Variants in CAST observed in about 807,000 individuals in gnomAD.
CAST encodes the protein calpastatin.
CAST carries 76 observed loss-of-function variants against 119.6 expected under a neutral mutation model. The observed-to-expected ratio is 0.64, with a 90% CI of 0.53 to 0.77. The LOEUF (loss-of-function observed/expected upper bound fraction) is 0.77, where lower values mean the gene tolerates loss of function less well. CAST is among the 30% of genes least tolerant of loss of function. CAST has a pLI of 0.00. For synonymous variants in CAST, 319 were observed against 331.6 expected (o/e 0.96, Z 0.41); for missense variants, 953 against 946.5 (o/e 1.01, Z -0.09).
the CAST span, among the ~76,000 whole-genome samples, chr5:96,514,899 G>T: frequency 6.6e-6 from 1 of 152,066 alleles, no homozygotes; most frequent in African/African-American, 2.4e-5. Flanking sequence ...TTTCAGGTGT[G>T]CGCCACCATG....
chr5:96,106,645 A>T, the CAST span, among the ~76,000 whole-genome samples: 3 of 149,718 alleles, frequency 2.0e-5, no homozygotes, highest in African/African-American at 7.4e-5. Context: ...ACTTCCAACT[A>T]TGTGGTCAAT....
chr5:96,207,997 T>A, the CAST span, among the ~76,000 whole-genome samples: 3 of 152,106 alleles, frequency 2.0e-5, no homozygotes, highest in Admixed American at 2.0e-4. Flanking sequence ...TGTTCCAGGT[T>A]TGAATTGCTT....
At chr5:96,125,794 C>T in the CAST span, among the ~76,000 whole-genome samples, 1 of 152,090 alleles carries the variant, frequency 6.6e-6, no homozygotes, top group African/African-American at 2.4e-5. Flanking sequence ...ACAGGGACTA[C>T]TTCAGTCTGC....
At chr5:96,631,459 A>T (rs73136632) in intron 1 of CAST, among the ~76,000 whole-genome samples, 27,461 of 140,512 alleles carry the variant, frequency 0.2, 6,874 homozygotes, top group African/African-American at 0.4. Context: ...ATGATTAAAT[A>T]ACATCCCATT....
At chr5:96,459,952 C>T in the CAST span, among the ~76,000 whole-genome samples, 7 of 152,246 alleles carry the variant, frequency 4.6e-5, no homozygotes, top group African/African-American at 9.6e-5. Context: ...CCATACCATA[C>T]GGTACAAACA....
At chr5:95,979,165 G>A in the CAST span, among the ~76,000 whole-genome samples, 2 of 151,978 alleles carry the variant, frequency 1.3e-5, no homozygotes, top group Non-Finnish European at 2.9e-5. Flanking sequence ...CAGAGAAATA[G>A]AAAAAAGAAA....
At chr5:96,360,994 A>G in the CAST span, among the ~76,000 whole-genome samples, 1 of 152,156 alleles carries the variant, frequency 6.6e-6, no homozygotes, top group Non-Finnish European at 1.5e-5. Flanking sequence ...TAAGCCCCTG[A>G]CTGGGATTGC....
At chr5:96,406,818 G>A in the CAST span, among the ~76,000 whole-genome samples, 1 of 152,208 alleles carries the variant, frequency 6.6e-6, no homozygotes, top group African/African-American at 2.4e-5. Flanking sequence ...TAATTTACAA[G>A]TTTAATCACT....
the CAST span, among the ~76,000 whole-genome samples, chr5:96,332,012 G>A: frequency 2.0e-5 from 3 of 152,158 alleles, no homozygotes; most frequent in African/African-American, 7.2e-5. Flanking sequence ...AACTTTGTTA[G>A]GAGCCAGAAG....
chr5:96,519,025 C>A, the CAST span, among the ~76,000 whole-genome samples: 1 of 152,012 alleles, frequency 6.6e-6, no homozygotes, highest in Non-Finnish European at 1.5e-5. Flanking sequence ...CGCGCCACAG[C>A]CCTCCAGCCT....
the CAST span, among the ~76,000 whole-genome samples, chr5:96,218,090 G>A: frequency 2.0e-5 from 3 of 152,044 alleles, no homozygotes; most frequent in Non-Finnish European, 2.9e-5. Context: ...TGCTTTTTTC[G>A]ATGCTAGCAA....
At chr5:96,434,607 G>GT in the CAST span, among the ~76,000 whole-genome samples, 4,408 of 147,268 alleles carry the variant, frequency 0.03, 75 homozygotes, top group Middle Eastern at 0.07. Flanking sequence ...TGGGAAGTTT[G>GT]TTTTTTTTTT....
chr5:96,596,118 T>C (rs961256274), intron 1 of CAST, among the ~76,000 whole-genome samples: 4 of 152,170 alleles, frequency 2.6e-5, no homozygotes, highest in Non-Finnish European at 5.9e-5. Context: ...CCCCAGAACC[T>C]GTGAATATTG....
chr5:96,022,744 G>T, the CAST span, among the ~76,000 whole-genome samples: 1 of 152,124 alleles, frequency 6.6e-6, no homozygotes, highest in Non-Finnish European at 1.5e-5. Flanking sequence ...CGATTGTGGG[G>T]GCTGATAAGT....
the CAST span, among the ~76,000 whole-genome samples, chr5:96,502,622 T>G: frequency 3.4e-5 from 2 of 59,376 alleles, no homozygotes; most frequent in Admixed American, 1.5e-4. Context: ...TAGTCTTTCT[T>G]TCTTTCTTTC....
chr5:96,163,340 A>C, the CAST span, among the ~76,000 whole-genome samples: 3 of 152,146 alleles, frequency 2.0e-5, no homozygotes, highest in Non-Finnish European at 4.4e-5. Context: ...TTGACCTTTT[A>C]AAAGAACCAA....
At chr5:96,360,787 T>G in the CAST span, among the ~76,000 whole-genome samples, 1 of 152,180 alleles carries the variant, frequency 6.6e-6, no homozygotes, top group African/African-American at 2.4e-5. Flanking sequence ...GGGTGGTATC[T>G]CCAAGTCAGG....
the CAST span, among the ~76,000 whole-genome samples, chr5:96,425,401 A>C: frequency 6.6e-6 from 1 of 152,336 alleles, no homozygotes; most frequent in African/African-American, 2.4e-5. Context: ...CATCTGTGTC[A>C]TATAAGAATT....
chr5:96,555,442 G>A (rs1746218918), intron 1 of CAST, among the ~76,000 whole-genome samples: 1 of 152,210 alleles, frequency 6.6e-6, no homozygotes, highest in African/African-American at 2.4e-5. Context: ...CCTCACCCAG[G>A]AAGTGCAAGG....
Sources: allele counts gnomAD v4.1 joint callset (sites outside exome capture counted in the v4.1 genomes callset), GRCh38; gene constraint gnomAD v4.1.1; transcripts MANE v1.5; gene names NCBI Gene and HGNC (gene_info 2026-07-23, HGNC 2026-07-21).